The following LUZP1 variants were observed in gnomAD, a reference collection of about 807,000 sequenced individuals.
The protein encoded by LUZP1 is filamin mechanobinding actin cross-linking protein.
In LUZP1, 25 loss-of-function variants were observed where a neutral mutation model predicts 71.3. The ratio of observed to expected loss-of-function variants is 0.35; its 90% CI spans 0.26 to 0.49. The LOEUF (loss-of-function observed/expected upper bound fraction) is 0.49, where lower values mean the gene tolerates loss of function less well. Ranked by LOEUF, LUZP1 falls within the 20% of genes least tolerant of loss-of-function variation. The probability of loss-of-function intolerance (pLI) is 0.99; values close to 1 mark genes in which losing one functional copy is unlikely to be tolerated. For missense variants in LUZP1, 1,142 were observed against 1,300.8 expected (o/e 0.88, Z 1.88); for synonymous variants, 481 against 506.4 (o/e 0.95, Z 0.67).
chr1:23,160,651 C>A (rs1176673957), intron 2 of LUZP1, among the ~76,000 whole-genome samples: 1 of 152,186 alleles, frequency 6.6e-6, no homozygotes, highest in Non-Finnish European at 1.5e-5. Context: ...GCTACCTATA[C>A]ATAAATATCA....
chr1:23,154,876 C>T (rs1324642865), intron 2 of LUZP1, among the ~76,000 whole-genome samples: 1 of 151,894 alleles, frequency 6.6e-6, no homozygotes, highest in African/African-American at 2.4e-5. Context: ...TTATTATTTC[C>T]GTATTAATTC....
At chr1:23,167,934 G>T (rs959514173) in intron 2 of LUZP1, among the ~76,000 whole-genome samples, 1 of 151,342 alleles carries the variant, frequency 6.6e-6, no homozygotes, top group Admixed American at 6.6e-5. Flanking sequence ...CCGCGCTGCG[G>T]AAAGTTCACC....
chr1:23,136,343 G>C (rs1215131579), intron 2 of LUZP1, among the ~76,000 whole-genome samples: 12 of 116,708 alleles, frequency 1.0e-4, no homozygotes, highest in African/African-American at 4.2e-4. Flanking sequence ...CACACACACA[G>C]AGGGTCCTTC....
intron 2 of LUZP1, among the ~76,000 whole-genome samples, chr1:23,132,195 C>G (rs574477007): frequency 1.3e-5 from 2 of 152,148 alleles, no homozygotes; most frequent in Non-Finnish European, 2.9e-5. Context: ...AACAAATACT[C>G]ATTAAGTACC....
At chr1:23,099,725 C>G (rs926043171) in intron 3 of LUZP1, among the ~76,000 whole-genome samples, 2 of 152,262 alleles carry the variant, frequency 1.3e-5, no homozygotes, top group African/African-American at 4.8e-5. Context: ...TCAACTAGTA[C>G]AGGCAATGAA....
exon 4 of LUZP1, chr1:23,092,063 G>T (rs1415092900): frequency 6.2e-7 from 1 of 1,614,030 alleles, no homozygotes; most frequent in Non-Finnish European, 8.5e-7. Flanking sequence ...CAGCACCATT[G>T]GTATCTGGGA....
At chr1:23,099,294 G>A (rs2124613924) in intron 3 of LUZP1, among the ~76,000 whole-genome samples, 1 of 152,360 alleles carries the variant, frequency 6.6e-6, no homozygotes, top group South Asian at 2.1e-4. Flanking sequence ...AATTTTAAAT[G>A]AGTGTATGAT....
At chr1:23,145,607 T>C (rs186067692) in intron 2 of LUZP1, among the ~76,000 whole-genome samples, 116 of 152,048 alleles carry the variant, frequency 7.6e-4, no homozygotes, top group Admixed American at 1.7e-3. Flanking sequence ...GTAGGTGGGA[T>C]TACACGTGCA....
At chr1:23,092,735 T>A (rs751827003) in exon 4 of LUZP1, 4 of 1,613,774 alleles carry the variant, frequency 2.5e-6, no homozygotes, top group Non-Finnish European at 3.4e-6. Flanking sequence ...CACTAAACGT[T>A]CGTGTTGTCT....
chr1:23,149,933 G>A (rs1417610482), intron 2 of LUZP1, among the ~76,000 whole-genome samples: 2 of 119,916 alleles, frequency 1.7e-5, no homozygotes, highest in South Asian at 2.5e-4. Context: ...CTGCACTCCA[G>A]CCTGGTGACG....
chr1:23,100,347 G>GAAC (rs1643921148), intron 3 of LUZP1, among the ~76,000 whole-genome samples: 1 of 152,216 alleles, frequency 6.6e-6, no homozygotes, highest in African/African-American at 2.4e-5. Flanking sequence ...TGGCAAGAGT[G>GAAC]AACAGACAGC....
At chr1:23,161,914 C>A (rs984394907) in intron 2 of LUZP1, among the ~76,000 whole-genome samples, 6 of 150,712 alleles carry the variant, frequency 4.0e-5, no homozygotes, top group African/African-American at 1.5e-4. Context: ...TTAATCCCAG[C>A]TACTTGGGAG....
intron 2 of LUZP1, among the ~76,000 whole-genome samples, chr1:23,138,663 T>TTG (rs550739499): frequency 0.27 from 33,721 of 125,326 alleles, 5,080 homozygotes; most frequent in East Asian, 0.45. Context: ...GATTATGTGT[T>TTG]TGTGTGTGTG....
chr1:23,136,999 A>G (rs1249848199), intron 2 of LUZP1, among the ~76,000 whole-genome samples: 3 of 152,340 alleles, frequency 2.0e-5, no homozygotes, highest in South Asian at 2.1e-4. Context: ...AGAACTGCAT[A>G]ACAACAATGG....
chr1:23,170,674 C>A (rs1644546803), intron 1 of LUZP1, among the ~76,000 whole-genome samples: 1 of 151,928 alleles, frequency 6.6e-6, no homozygotes, highest in Non-Finnish European at 1.5e-5. Flanking sequence ...ACCATGTTGG[C>A]CACGCTGGTC....
At chr1:23,118,930 T>C (rs1644107740) in intron 2 of LUZP1, among the ~76,000 whole-genome samples, 4 of 152,228 alleles carry the variant, frequency 2.6e-5, no homozygotes, top group Admixed American at 2.6e-4. Context: ...TGGGCCTATG[T>C]TCCCAATGCA....
rs1270290571 is a variant in LUZP1 at position 23,110,628 on chromosome 1, GCACACATACACA to G, written c.-225-1513_-225-1502del. 9.3e-3 allele frequency among the ~76,000 whole-genome samples: 458 copies of G among 49,022 alleles called. 4 individuals carry two copies. Among genetic ancestry groups the G allele is most frequent in the African/African-American group, 0.027 (441 of 16,576 alleles). 32.2% of individuals were successfully genotyped at this position (49,022 alleles called of 152,430 possible). A position where few individuals can be genotyped will look rare whatever the true frequency, so the allele number is the denominator to read the frequency against. Reference sequence around the variant, plus strand: ...TGCACCTGCGCGCATGCATGAACGCGCACACATACACACACACACACACACACACACACACAC... The same window carrying G: ...TGCACCTGCGCGCATGCATGAACGCGCACACACACACACACACACACACAC... On this transcript the variant is annotated intron_variant, in intron 2 of 4. Transcript: ENST00000302291.
At chr1:23,148,169 A>G (rs1055919814) in intron 2 of LUZP1, among the ~76,000 whole-genome samples, 13 of 152,190 alleles carry the variant, frequency 8.5e-5, no homozygotes, top group Non-Finnish European at 1.5e-4. Flanking sequence ...TCAAGTTCAT[A>G]TAGGTAGATA....
chr1:23,116,696 C>A (rs1644082256), intron 2 of LUZP1, among the ~76,000 whole-genome samples: 1 of 151,954 alleles, frequency 6.6e-6, no homozygotes, highest in Non-Finnish European at 1.5e-5. Context: ...AGTTGAGGAT[C>A]AGTTTTGTTG....
Sources: allele counts gnomAD v4.1 joint callset (sites outside exome capture counted in the v4.1 genomes callset), GRCh38; gene constraint gnomAD v4.1.1; transcripts MANE v1.5; gene names NCBI Gene and HGNC (gene_info 2026-07-23, HGNC 2026-07-21).